The following LIMS2 variants were observed in gnomAD, a reference collection of about 807,000 sequenced individuals.
The protein encoded by LIMS2 is LIM zinc finger domain containing 2.
LIMS2 carries 30 observed loss-of-function variants against 45.3 expected under a neutral mutation model. The observed-to-expected ratio is 0.66, with a 90% CI of 0.50 to 0.90. The LOEUF (loss-of-function observed/expected upper bound fraction) is 0.90. Ranked by LOEUF, LIMS2 falls within the 40% of genes least tolerant of loss-of-function variation. LIMS2 has a pLI of 0.00. For missense variants in LIMS2, 485 were observed against 468.7 expected, an observed-to-expected ratio of 1.03 and a Z score of -0.32; for synonymous variants, 173 against 188.0, an observed-to-expected ratio of 0.92 and a Z score of 0.65.
intron 1 of LIMS2, 72 bp from the exon 2 acceptor site, chr2:127,657,634 C>G: frequency 6.9e-7 from 1 of 1,440,910 alleles, no homozygotes; most frequent in South Asian, 1.3e-5. Context: ...CGGGGGCCTG[C>G]GCCCGACAGA....
At chr2:127,652,045 A>C in intron 4 of LIMS2, 5 of 418,286 alleles carry the variant, frequency 1.2e-5, no homozygotes, top group Non-Finnish European at 8.9e-6. Flanking sequence ...CCCCTGAACA[A>C]TGGAGGCCTT....
rs140921135 is a variant in LIMS2 at position 127,654,413 on chromosome 2, G to A, written c.359+11C>T. Reference sequence around the variant, plus strand: ...GGCCCAGTCCTCTCTGGCCCAACACGGCCACCTCACCTGCCGGCATTCTTC... The same window carrying A: ...GGCCCAGTCCTCTCTGGCCCAACACAGCCACCTCACCTGCCGGCATTCTTC... On this transcript the variant is annotated intron_variant, in intron 4 of 9. Coordinates refer to ENST00000355119, the MANE Select transcript of LIMS2 (RefSeq NM_001161403.3). The A allele has an allele frequency of 1.4e-4, 221 of 1,613,880 alleles. No individual in the cohort carries two copies. Among genetic ancestry groups the A allele is most frequent in the African/African-American group, 1.7e-4 (13 of 75,038 alleles).
intron 4 of LIMS2, 117 bp downstream of exon 4, chr2:127,654,307 G>T: frequency 7.1e-7 from 1 of 1,405,178 alleles, no homozygotes; most frequent in Non-Finnish European, 9.9e-7. Flanking sequence ...ATCAGTGCAG[G>T]CTGCAGCACC....
At chr2:127,648,976 A>AGGGGGGAGGGGAGGGAG (rs1683317531) in intron 4 of LIMS2, among the ~76,000 whole-genome samples, 2 of 12,366 alleles carry the variant, frequency 1.6e-4, no homozygotes, top group African/African-American at 5.5e-4. Context: ...GGGGGAGGGG[A>AGGGGGGAGGGGAGGGAG]GGGAGGGGAG....
At position 127,638,505 on chromosome 2, in the gene LIMS2, C is replaced by CCTCCCTGGAGG. The variant is rs1682068502; in HGVS notation, c.*765_*775dup. ...TCTGCGCTGGCCGAAGACGAAGCGT[C>CCTCCCTGGAGG]CTCCCTGGAGGTGGGAACAAGTCAC... On this transcript the variant is annotated 3_prime_UTR_variant, in exon 10 of 10. Coordinates refer to ENST00000355119, the MANE Select transcript of LIMS2 (RefSeq NM_001161403.3). 1 of 152,688 alleles carries CCTCCCTGGAGG rather than the reference C, an allele frequency of 6.5e-6. No homozygotes were observed. The allele number at this position is 152,688 out of a possible 1,614,324, so 9.5% of individuals were successfully genotyped here.
rs1685056510 is a variant in LIMS2 at position 127,667,319 on chromosome 2, A to C, written c.11+7695T>G. On this transcript the variant is annotated intron_variant, in intron 1 of 9. Coordinates refer to ENST00000355119, the MANE Select transcript of LIMS2 (RefSeq NM_001161403.3). This position sits in a 1 kb window ranked among gnomAD's most constrained non-coding sequence, Gnocchi z 4.1. ...AAGAGAAAAAAACAAAAAACAAAAA[A>C]CAACAAACCTTCACAAAATCTTTCC... is the stretch of plus-strand genomic sequence containing the variant. 6.6e-6 allele frequency among the ~76,000 whole-genome samples: 1 copy of C among 152,200 alleles called. No individual in the cohort carries two copies. Among genetic ancestry groups the C allele is most frequent in the Admixed American group, 6.5e-5 (1 of 15,280 alleles).
In LIMS2 at chr2:127,642,054, C is replaced by T. The variant is rs774530383; in HGVS notation, c.655G>A (p.Val219Met). The T allele has an allele frequency of 4.3e-6, 7 of 1,610,970 alleles. No individual in the cohort carries two copies. The African/African-American group carries it at 5.3e-5, about 12-fold the overall frequency. The change falls in exon 6 of 10, where the codon GTG becomes ATG. Residue 219 changes from valine to methionine, a missense_variant. By Grantham distance (21) the Val-to-Met change is conservative. Transcript: ENST00000355119. The surrounding 1 kb of genome is among the most constrained non-coding windows in gnomAD (Gnocchi z 5.3). ...VVNALGKQWH[V>M]EHFVCAKCEK... ...TGTCCACCAGCCTGGCTCACCTCCA[C>T]GTGCCACTGCTTGCCCAGCGCGTTG... is the stretch of plus-strand genomic sequence containing the variant.
Position 127,667,239 on chromosome 2 carries a change from T to C in LIMS2, c.11+7775A>G, listed in dbSNP as rs1156647684. Among the ~76,000 whole-genome samples, 1 of 152,124 alleles carries C rather than the reference T, an allele frequency of 6.6e-6. No homozygotes were observed. The highest frequency in any genetic ancestry group is 1.9e-4 in the East Asian group (1 of 5,194). ...CTGGAAGGCGGAGGTTGCAGTGAGCTGAGATCACGCCACTGCACTCCAGCC... is the reference window on the plus strand; with the variant it reads ...CTGGAAGGCGGAGGTTGCAGTGAGCCGAGATCACGCCACTGCACTCCAGCC... On this transcript the variant is annotated intron_variant, in intron 1 of 9. Transcript: ENST00000355119. The surrounding 1 kb of genome is among the most constrained non-coding windows in gnomAD (Gnocchi z 4.1).
upstream of LIMS2, among the ~76,000 whole-genome samples, chr2:127,676,893 A>G (rs143507767): frequency 9.2e-3 from 1,406 of 152,308 alleles, 17 homozygotes; most frequent in Middle Eastern, 0.054. Flanking sequence ...AGAGGATGAA[A>G]AGTTGAAAGC....
In LIMS2 at chr2:127,657,486, T is replaced by G. The variant is rs757753131; in HGVS notation, c.88A>C (p.Asn30His). The change falls in exon 2 of 10, where the codon AAC becomes CAC. Residue 30 changes from asparagine to histidine, a missense_variant. Coordinates refer to ENST00000355119, the MANE Select transcript of LIMS2 (RefSeq NM_001161403.3). ...TCATGGTACAGCTCCCCATTGCTGTTGACAATGCGCTCGGCGGGGGAGAAG... is the reference window on the plus strand; with the variant it reads ...TCATGGTACAGCTCCCCATTGCTGTGGACAATGCGCTCGGCGGGGGAGAAG... ...ARFSPAERIV[N>H]SNGELYHEHC... 4 of 1,613,482 alleles carry G rather than the reference T, an allele frequency of 2.5e-6. No homozygotes were observed. The highest frequency in any genetic ancestry group is 2.7e-5 in the African/African-American group (2 of 74,904).
intron 4 of LIMS2, chr2:127,651,091 T>G: frequency 6.2e-7 from 1 of 1,613,718 alleles, no homozygotes; most frequent in South Asian, 1.1e-5. Context: ...TACGCCAGCA[T>G]CTACTTCCTC....
chr2:127,657,253 T>C, intron 2 of LIMS2, 150 bp downstream of exon 2: 3 of 829,958 alleles, frequency 3.6e-6, no homozygotes, highest in Non-Finnish European at 3.8e-6. Context: ...AGGTGAAGGA[T>C]GGGCCCGTGC....
Position 127,657,026 on chromosome 2 carries a change from C to T in LIMS2, c.171+377G>A, listed in dbSNP as rs966420941. Among the ~76,000 whole-genome samples the T allele has an allele frequency of 3.9e-5, 6 of 152,196 alleles. No homozygotes were observed. In the East Asian group the frequency reaches 5.8e-4, roughly 15 times the overall value. On this transcript the variant is annotated intron_variant, in intron 2 of 9. Transcript: ENST00000355119. ...AAACCTCACCTTCCCTGAGCACCAC[C>T]GCACCCCACCCCGGGAACCCTGACC...
chr2:127,664,548 C>G lies in LIMS2; in HGVS notation c.12-6986G>C, dbSNP rs998585525. The G allele has an allele frequency of 1.6e-4, 189 of 1,150,360 alleles. No individual in the cohort carries two copies. The highest frequency in any genetic ancestry group is 1.5e-4 in the Non-Finnish European group (137 of 936,336). The allele number at this position is 1,150,360 out of a possible 1,614,324, so 71.3% of individuals were successfully genotyped here. Reference sequence around the variant, plus strand: ...GCTGGTCGCGAGCTCACGTTACGCGCTGGGATCTCCAAAGGGCAGCAGAGT... The same window carrying G: ...GCTGGTCGCGAGCTCACGTTACGCGGTGGGATCTCCAAAGGGCAGCAGAGT... On this transcript the variant is annotated intron_variant, in intron 1 of 9. Transcript: ENST00000355119. The surrounding 1 kb of genome is among the most constrained non-coding windows in gnomAD (Gnocchi z 5.5).
rs981157139 is a variant in LIMS2, at chr2:127,653,930, C to T, written c.359+494G>A. 3.3e-5 allele frequency among the ~76,000 whole-genome samples: 5 copies of T among 152,004 alleles called. No individual in the cohort carries two copies. The highest frequency in any genetic ancestry group is 9.7e-5 in the African/African-American group (4 of 41,380). On this transcript the variant is annotated intron_variant, in intron 4 of 9. Transcript: ENST00000355119. This position sits in a 1 kb window ranked among gnomAD's most constrained non-coding sequence, Gnocchi z 5.3. ...GCTCACAGACAGAGGCCGGGCTGCA[C>T]GGGATCTCAGAGCTAGGGCCAGGGG...
intron 1 of LIMS2, among the ~76,000 whole-genome samples, chr2:127,658,799 C>T (rs1381732873): frequency 3.3e-5 from 5 of 152,318 alleles, no homozygotes; most frequent in African/African-American, 1.2e-4. Flanking sequence ...TGGGGAGTGA[C>T]GCAACCAGCT....
intron 1 of LIMS2, among the ~76,000 whole-genome samples, chr2:127,660,644 G>A (rs1684573442): frequency 6.6e-6 from 1 of 152,096 alleles, no homozygotes; most frequent in South Asian, 2.1e-4. Context: ...TCAAACTCCA[G>A]ACATACAGTC....
At chr2:127,660,671 C>T (rs1200872354) in intron 1 of LIMS2, among the ~76,000 whole-genome samples, 1 of 151,094 alleles carries the variant, frequency 6.6e-6, no homozygotes, top group Admixed American at 6.6e-5. Context: ...AACTGTAACA[C>T]TCACCGTGAG....
At chr2:127,650,297 C>A in intron 4 of LIMS2, 2 of 576,752 alleles carry the variant, frequency 3.5e-6, no homozygotes, top group Admixed American at 6.3e-5. Flanking sequence ...GCTGGAATCC[C>A]GGAGACACAC....
Sources: gnomAD v4.1 joint callset for allele counts (sites outside exome capture counted in the v4.1 genomes callset) on GRCh38, gnomAD v4.1.1 for gene constraint, Gnocchi (gnomAD v3.1) non-coding constraint, MANE v1.5 for transcripts, NCBI Gene and HGNC (gene_info 2026-07-23, HGNC 2026-07-21) for gene names.